CDK12: variants seen among roughly 807,000 people sequenced by gnomAD.
CDK12 encodes cyclin dependent kinase 12.
In CDK12, 17 loss-of-function variants were observed where a neutral mutation model predicts 133.8. The ratio of observed to expected loss-of-function variants is 0.13; its 90% CI spans 0.09 to 0.19. The LOEUF is 0.19. CDK12 is among the 10% of genes least tolerant of loss of function. The pLI, the probability that CDK12 is intolerant of heterozygous loss-of-function variation, is 1.00. For missense variants in CDK12, 1,508 were observed against 1,818.7 expected (o/e 0.83, Z 3.11); for synonymous variants, 694 against 683.6 (o/e 1.02, Z -0.24).
chr17:39,532,140 C>CTCTCTCTCTCTCTCTCTG lies in CDK12; in HGVS notation c.*827_*828insCTCTCTCTCTCTCTGTCT, dbSNP rs1184631339. 0.022 allele frequency: 4,827 copies of CTCTCTCTCTCTCTCTCTG among 222,000 alleles called. 33 individuals are homozygous for CTCTCTCTCTCTCTCTCTG. The highest frequency in any genetic ancestry group is 0.028 in the Non-Finnish European group (3,237 of 114,108). 13.8% of individuals were successfully genotyped at this position (222,000 alleles called of 1,614,324 possible). On this transcript the variant is annotated 3_prime_UTR_variant, in exon 14 of 14. Transcript: ENST00000447079. Reference sequence around the variant, plus strand: ...TCTCTCTCTCTCTCTCTCTCTCTCTCTCTGTCTCGCTTGCTCGCTCTCGCT... The same window carrying CTCTCTCTCTCTCTCTCTG: ...TCTCTCTCTCTCTCTCTCTCTCTCTCTCTCTCTCTCTCTCTCTGTCTGTCTCGCTTGCTCGCTCTCGCT...
At chr17:39,481,401 C>T (rs1247632965) in intron 2 of CDK12, among the ~76,000 whole-genome samples, 2 of 148,690 alleles carry the variant, frequency 1.3e-5, no homozygotes, top group Non-Finnish European at 3.0e-5. Flanking sequence ...TCTTGCCTCA[C>T]TGCAATCTCC....
chr17:39,470,560 G>C (rs568487530), intron 1 of CDK12, among the ~76,000 whole-genome samples: 1 of 152,146 alleles, frequency 6.6e-6, no homozygotes, highest in South Asian at 2.1e-4. Flanking sequence ...CATTAATGTG[G>C]TACAGTTGTT....
chr17:39,475,807 A>G (rs1448632079), intron 2 of CDK12, among the ~76,000 whole-genome samples: 1 of 152,070 alleles, frequency 6.6e-6, no homozygotes, highest in African/African-American at 2.4e-5. Context: ...GGCCTCCCAA[A>G]ATACTGAGAT....
At position 39,533,415 on chromosome 17, in the gene CDK12, A is replaced by AT. The variant is rs1295611245; in HGVS notation, c.*2102dup. ...GGCCTTTGTGTTTTAGAATATTTGA[A>AT]TTTGAGTTATTGGGCCCCACTCCCT... On this transcript the variant is annotated 3_prime_UTR_variant, in exon 14 of 14. Transcript: ENST00000447079. 4.3e-6 allele frequency: 1 copy of AT among 233,026 alleles called. No individual in the cohort carries two copies. Among genetic ancestry groups the AT allele is most frequent in the African/African-American group, 2.2e-5 (1 of 45,330 alleles). The allele number at this position is 233,026 out of a possible 1,614,324, so 14.4% of individuals were successfully genotyped here.
chr17:39,526,403 C>T, intron 13 of CDK12, 87 bp downstream of exon 13: 1 of 997,246 alleles, frequency 1.0e-6, no homozygotes, highest in Non-Finnish European at 1.4e-6. Context: ...TCCCCCACAT[C>T]AATGGCCTTG....
intron 11 of CDK12, among the ~76,000 whole-genome samples, chr17:39,523,979 T>TA (rs1395876844): frequency 6.6e-6 from 1 of 152,194 alleles, no homozygotes; most frequent in Non-Finnish European, 1.5e-5. Context: ...AGAATGTTGA[T>TA]ACATTGAATA....
rs746582506 is a variant in CDK12 at position 39,492,794 on chromosome 17, G to T, written c.2152G>T (p.Asp718Tyr). 1 of 1,613,002 alleles carries T rather than the reference G, an allele frequency of 6.2e-7. No homozygotes were observed. The highest frequency in any genetic ancestry group is 1.3e-5 in the African/African-American group (1 of 74,970). ...TGGAGAAAGAAGACAAACAGAAAGCGACTGGGGGAAACGCTGTGTGGACAA... is the reference window on the plus strand; with the variant it reads ...TGGAGAAAGAAGACAAACAGAAAGCTACTGGGGGAAACGCTGTGTGGACAA... ...RYGERRQTES[D>Y]WGKRCVDKFD... Residue 718 changes from aspartate (D) to tyrosine (Y), a missense_variant, in exon 4 of 14, where the codon GAC becomes TAC. Physicochemically the swap from Asp to Tyr is radical, Grantham distance 160. Transcript: ENST00000447079.
intron 11 of CDK12, among the ~76,000 whole-genome samples, chr17:39,520,694 G>T (rs1328174678): frequency 2.0e-5 from 3 of 150,786 alleles, no homozygotes; most frequent in Non-Finnish European, 4.4e-5. Flanking sequence ...GCGTGTTTTT[G>T]TTGTTGTTGT....
Position 39,526,004 on chromosome 17 carries a change from C to T in CDK12, c.3448C>T (p.Leu1150=), listed in dbSNP as rs772130019. The change falls in exon 13 of 14, where the codon CTG becomes TTG. Residue 1150 remains leucine, a synonymous_variant. Transcript: ENST00000447079. ...CTCCAACCCAGAGATGCAGCAGCAG[C>T]TGGAAGCCCTGAACCAATCCATCAG... is the stretch of plus-strand genomic sequence containing the variant. ...IHSNPEMQQQ[L]EALNQSISAL... 1 of 1,614,216 alleles carries T rather than the reference C, an allele frequency of 6.2e-7. No individual in the cohort carries two copies. Among genetic ancestry groups the T allele is most frequent in the East Asian group, 2.2e-5 (1 of 44,884 alleles).
At chr17:39,517,066 A>T (rs2053860084) in intron 9 of CDK12, among the ~76,000 whole-genome samples, 1 of 152,134 alleles carries the variant, frequency 6.6e-6, no homozygotes, top group Non-Finnish European at 1.5e-5. Flanking sequence ...CTCTCTTCTC[A>T]TCTCACAGTT....
chr17:39,548,303 T>C (rs2055809545), upstream of CDK12, among the ~76,000 whole-genome samples: 1 of 152,192 alleles, frequency 6.6e-6, no homozygotes, highest in African/African-American at 2.4e-5. Flanking sequence ...TCTAGTGGCC[T>C]GACATCTCAA....
At chr17:39,478,000 C>G (rs559850250) in intron 2 of CDK12, among the ~76,000 whole-genome samples, 2 of 151,756 alleles carry the variant, frequency 1.3e-5, no homozygotes, top group Non-Finnish European at 2.9e-5. Context: ...GCCACTGCAC[C>G]GGGCCCATCT....
intron 5 of CDK12, among the ~76,000 whole-genome samples, chr17:39,498,658 T>A (rs999770263): frequency 3.3e-5 from 5 of 151,994 alleles, no homozygotes; most frequent in African/African-American, 1.2e-4. Flanking sequence ...GCCTCCCAAG[T>A]AGCCAGGAAT....
chr17:39,542,114 A>G (rs1195613625), intron 1 of CDK12, among the ~76,000 whole-genome samples: 21 of 151,998 alleles, frequency 1.4e-4, no homozygotes, highest in Admixed American at 1.2e-3. Context: ...ATTGAGGGGG[A>G]AAGGTAGATC....
In CDK12 at chr17:39,517,421, G is replaced by C. The variant is rs2053882548; in HGVS notation, c.2847-19G>C. On this transcript the variant is annotated intron_variant, in intron 9 of 13. Transcript: ENST00000447079. ...TTGACTCACTCACTCCATTGTTCTT[G>C]CTTTTGCTTTGTTTTCAGCCGACTT... 2 of 1,449,386 alleles carry C rather than the reference G, an allele frequency of 1.4e-6. No homozygotes were observed. Among genetic ancestry groups the C allele is most frequent in the East Asian group, 2.3e-5 (1 of 44,092 alleles). The allele number at this position is 1,449,386 out of a possible 1,614,324, so 89.8% of individuals were successfully genotyped here.
chr17:39,483,522 C>A (rs2050884631), intron 2 of CDK12, among the ~76,000 whole-genome samples: 1 of 151,932 alleles, frequency 6.6e-6, no homozygotes, highest in Admixed American at 6.6e-5. Context: ...CCTTGGCCTT[C>A]TAAAGTGCTA....
At chr17:39,464,610 CAG>C (rs939730406) in intron 1 of CDK12, among the ~76,000 whole-genome samples, 1 of 151,928 alleles carries the variant, frequency 6.6e-6, no homozygotes, top group African/African-American at 2.4e-5. Context: ...CATCAAGCTG[CAG>C]AGTGTTCCTA....
At chr17:39,551,757 G>C (rs763904865) in intron 2 of CDK12, among the ~76,000 whole-genome samples, 1 of 152,142 alleles carries the variant, frequency 6.6e-6, no homozygotes, top group Non-Finnish European at 1.5e-5. Flanking sequence ...GTTTCCAGCT[G>C]TACCCATCCC....
At chr17:39,513,966 C>A (rs552316042) in intron 8 of CDK12, among the ~76,000 whole-genome samples, 3 of 151,368 alleles carry the variant, frequency 2.0e-5, no homozygotes, top group Non-Finnish European at 4.4e-5. Context: ...TTCTTCTTTT[C>A]TTTTTTAAAT....
Sources: allele counts gnomAD v4.1 joint callset (sites outside exome capture counted in the v4.1 genomes callset), GRCh38; gene constraint gnomAD v4.1.1; transcripts MANE v1.5; gene names NCBI Gene and HGNC (gene_info 2026-07-23, HGNC 2026-07-21).